GPC6: variants seen among roughly 807,000 people sequenced by gnomAD.
GPC6 encodes glypican-6.
A neutral mutation model predicts 55.2 loss-of-function variants in GPC6; 14 were observed. The ratio of observed to expected loss-of-function variants is 0.25; its 90% CI spans 0.17 to 0.40. The LOEUF is 0.40. Among genes scored for constraint, GPC6 ranks in the 10% least tolerant of loss-of-function variants. The probability of loss-of-function intolerance (pLI) is 1.00; values close to 1 mark genes in which losing one functional copy is unlikely to be tolerated. For synonymous variants in GPC6, 278 were observed against 259.6 expected (o/e 1.07, Z -0.68); for missense variants, 641 against 708.5 (o/e 0.90, Z 1.08).
chr13:93,322,476 G>C (rs1467049171), intron 1 of GPC6, among the ~76,000 whole-genome samples: 3 of 96,644 alleles, frequency 3.1e-5, no homozygotes, highest in African/African-American at 1.3e-4. Context: ...CGCTCTTGTT[G>C]CCCAGGCTGG....
At chr13:94,378,869 C>T (rs1239172861) in intron 6 of GPC6, among the ~76,000 whole-genome samples, 2 of 152,120 alleles carry the variant, frequency 1.3e-5, no homozygotes, top group East Asian at 1.9e-4. Flanking sequence ...CCTAGAATAG[C>T]TCATCCAGGA....
intron 1 of GPC6, among the ~76,000 whole-genome samples, chr13:93,480,637 A>G (rs1879480491): frequency 1.3e-5 from 2 of 152,192 alleles, no homozygotes; most frequent in African/African-American, 4.8e-5. Flanking sequence ...CCCTGTATCC[A>G]CTAGTGGTCA....
At chr13:94,369,271 G>A (rs1879421259) in intron 6 of GPC6, among the ~76,000 whole-genome samples, 2 of 152,194 alleles carry the variant, frequency 1.3e-5, no homozygotes, top group Non-Finnish European at 2.9e-5. Flanking sequence ...AGCCAGTGAG[G>A]TGGATTTGCG....
At chr13:94,225,095 T>C (rs1309159447) in intron 4 of GPC6, among the ~76,000 whole-genome samples, 1 of 152,130 alleles carries the variant, frequency 6.6e-6, no homozygotes, top group Non-Finnish European at 1.5e-5. Context: ...TCAGTCAGAA[T>C]TGTGTAAGCT....
At chr13:93,283,139 T>A (rs1295445985) in intron 1 of GPC6, among the ~76,000 whole-genome samples, 1 of 152,148 alleles carries the variant, frequency 6.6e-6, no homozygotes, top group Non-Finnish European at 1.5e-5. Context: ...ATTTTAAATT[T>A]TTTAGTATTA....
intron 6 of GPC6, among the ~76,000 whole-genome samples, chr13:94,347,737 A>G (rs1471756175): frequency 6.6e-6 from 1 of 152,210 alleles, no homozygotes; most frequent in Non-Finnish European, 1.5e-5. Flanking sequence ...TCAAACATAA[A>G]TGTAGAGATT....
At chr13:93,977,979 A>G (rs1880601312) in intron 3 of GPC6, among the ~76,000 whole-genome samples, 1 of 152,220 alleles carries the variant, frequency 6.6e-6, no homozygotes, top group African/African-American at 2.4e-5. Context: ...AAATCGCCAT[A>G]GAGTTGCTTT....
intron 6 of GPC6, among the ~76,000 whole-genome samples, chr13:94,308,414 G>A (rs925900537): frequency 6.6e-6 from 1 of 152,164 alleles, no homozygotes; most frequent in Non-Finnish European, 1.5e-5. Context: ...GGTCTCGAGA[G>A]TATAGACAAG....
At chr13:93,377,605 C>T (rs1433857774) in intron 1 of GPC6, among the ~76,000 whole-genome samples, 2 of 152,154 alleles carry the variant, frequency 1.3e-5, no homozygotes, top group Non-Finnish European at 2.9e-5. Context: ...GCCCCAGTAG[C>T]AGTTCTAGGA....
chr13:93,440,015 C>T (rs1001773185), intron 1 of GPC6, among the ~76,000 whole-genome samples: 12 of 152,174 alleles, frequency 7.9e-5, no homozygotes, highest in African/African-American at 2.9e-4. Context: ...AGACAATCAA[C>T]AATACCCATA....
chr13:93,847,204 TG>T (rs1888211766), intron 3 of GPC6, among the ~76,000 whole-genome samples: 1 of 152,126 alleles, frequency 6.6e-6, no homozygotes, highest in South Asian at 2.1e-4. Flanking sequence ...CAAGTCATCA[TG>T]GATGAACTAC....
chr13:93,870,345 C>G (rs1889092481), intron 3 of GPC6, among the ~76,000 whole-genome samples: 1 of 151,840 alleles, frequency 6.6e-6, no homozygotes. Context: ...ATGCATGCCA[C>G]TATTACGAAG....
At chr13:93,419,182 G>A (rs77920182) in intron 1 of GPC6, among the ~76,000 whole-genome samples, 3,039 of 151,038 alleles carry the variant, frequency 0.02, 117 homozygotes, top group African/African-American at 0.07. Context: ...ATTTAATACT[G>A]GTACTTATAT....
intron 3 of GPC6, among the ~76,000 whole-genome samples, chr13:93,847,091 A>ATTG (rs1888208030): frequency 1.3e-5 from 2 of 152,158 alleles, no homozygotes; most frequent in South Asian, 4.1e-4. Context: ...TAACATAAGT[A>ATTG]ACATAGACAC....
chr13:93,412,618 C>T (rs569001741), intron 1 of GPC6, among the ~76,000 whole-genome samples: 15 of 152,282 alleles, frequency 9.9e-5, no homozygotes, highest in African/African-American at 2.6e-4. Flanking sequence ...GATTGCACTA[C>T]GTCACTCCAA....
chr13:93,251,201 C>A (rs1031784197), intron 1 of GPC6, among the ~76,000 whole-genome samples: 33 of 152,240 alleles, frequency 2.2e-4, no homozygotes, highest in Admixed American at 1.2e-3. Flanking sequence ...ACTTGGCAAA[C>A]CATTACCATT....
intron 4 of GPC6, among the ~76,000 whole-genome samples, chr13:94,242,853 G>A (rs1014948309): frequency 6.6e-6 from 1 of 151,854 alleles, no homozygotes; most frequent in Non-Finnish European, 1.5e-5. Context: ...TTTGTAGTAT[G>A]TAAGTTTCCA....
chr13:93,319,234 G>T lies in GPC6; in HGVS notation c.160+91618G>T, dbSNP rs1221457076. Among the ~76,000 whole-genome samples the T allele has an allele frequency of 2.0e-5, 3 of 152,124 alleles. No individual in the cohort carries two copies. In the East Asian group the frequency reaches 5.8e-4, roughly 29 times the overall value. Reference sequence around the variant, plus strand: ...AGTGAAACCCTTTGGTTGACAAGCTGCAGCCCTCGTGCATAGTGTTCCTAG... The same window carrying T: ...AGTGAAACCCTTTGGTTGACAAGCTTCAGCCCTCGTGCATAGTGTTCCTAG... On this transcript the variant is annotated intron_variant, in intron 1 of 8. Transcript: ENST00000377047.
Position 93,545,267 on chromosome 13 carries a change from A to C in GPC6, c.165A>C (p.Glu55Asp). The C allele has an allele frequency of 6.2e-7, 1 of 1,612,742 alleles. No homozygotes were observed. Among genetic ancestry groups the C allele is most frequent in the African/African-American group, 1.3e-5 (1 of 74,988 alleles). The change falls in exon 2 of 9, where the codon GAA becomes GAC. Residue 55 changes from glutamate (E) to aspartate (D), a missense_variant. By Grantham distance (45) the Glu-to-Asp change is conservative. Transcript: ENST00000377047. The stretch of plus-strand genomic sequence containing the variant: ...ACATTTAACTTCTCATTGCAGGGGA[A>C]CACTTAAGAATCTGTCCTCAGGAAT... Reference protein sequence around the residue: ...ADIPYQEIAGEHLRICPQEYT... With the variant: ...ADIPYQEIAGDHLRICPQEYT...
Sources: allele counts gnomAD v4.1 joint callset (sites outside exome capture counted in the v4.1 genomes callset), GRCh38; gene constraint gnomAD v4.1.1; transcripts MANE v1.5; gene names NCBI Gene and HGNC (gene_info 2026-07-23, HGNC 2026-07-21).